The following CSMD1 variants were observed in gnomAD, a reference collection of about 807,000 sequenced individuals.
CSMD1 encodes CUB and Sushi multiple domains 1.
CSMD1 carries 213 observed loss-of-function variants against 417.5 expected under a neutral mutation model. The observed-to-expected ratio is 0.51, with a 90% CI of 0.46 to 0.57. The LOEUF (loss-of-function observed/expected upper bound fraction) is 0.57, where lower values mean the gene tolerates loss of function less well. Among genes scored for constraint, CSMD1 ranks in the 20% least tolerant of loss-of-function variants. The pLI is 0.00. For missense variants in CSMD1, 6,923 were observed against 4,529.7 expected (o/e 1.53, Z -15.17); for synonymous variants, 2,862 against 1,736.8 (o/e 1.65, Z -16.11).
At chr8:4,000,452 C>T (rs1815578549) in intron 4 of CSMD1, among the ~76,000 whole-genome samples, 1 of 152,202 alleles carries the variant, frequency 6.6e-6, no homozygotes, top group African/African-American at 2.4e-5. Flanking sequence ...ATATTCCAGC[C>T]ATGAGGAAAA....
At chr8:4,628,080 C>T (rs951013605) in intron 2 of CSMD1, among the ~76,000 whole-genome samples, 3 of 150,882 alleles carry the variant, frequency 2.0e-5, no homozygotes, top group Admixed American at 1.3e-4. Context: ...GAAGCATATA[C>T]ATACACATAT....
intron 12 of CSMD1, among the ~76,000 whole-genome samples, chr8:3,422,287 GATC>G (rs1202734761): frequency 1.3e-5 from 2 of 152,116 alleles, no homozygotes; most frequent in African/African-American, 2.4e-5. Flanking sequence ...CTGGGTACCT[GATC>G]AATGCTCAGC....
At chr8:3,265,356 C>T (rs1267221736) in intron 26 of CSMD1, among the ~76,000 whole-genome samples, 1 of 152,180 alleles carries the variant, frequency 6.6e-6, no homozygotes, top group African/African-American at 2.4e-5. Context: ...TATTCAGCAA[C>T]AGCCAAGCGT....
chr8:3,754,523 C>T (rs1026891706), intron 5 of CSMD1, among the ~76,000 whole-genome samples: 1 of 151,950 alleles, frequency 6.6e-6, no homozygotes, highest in Non-Finnish European at 1.5e-5. Flanking sequence ...GGTGCGATCT[C>T]GGCTCACTGC....
chr8:3,098,621 C>G (rs1191495800), intron 46 of CSMD1, among the ~76,000 whole-genome samples: 1 of 152,126 alleles, frequency 6.6e-6, no homozygotes, highest in East Asian at 1.9e-4. Flanking sequence ...AGTTAAAGGT[C>G]TAATTTTCTT....
intron 1 of CSMD1, among the ~76,000 whole-genome samples, chr8:4,637,828 G>A (rs1050615729): frequency 3.3e-5 from 5 of 150,814 alleles, no homozygotes; most frequent in Non-Finnish European, 3.0e-5. Flanking sequence ...CCGCCACCGC[G>A]CCCGGCTAAT....
At chr8:3,329,125 G>A (rs1806726094) in intron 23 of CSMD1, among the ~76,000 whole-genome samples, 1 of 152,122 alleles carries the variant, frequency 6.6e-6, no homozygotes, top group Admixed American at 6.5e-5. Flanking sequence ...TAGAATGGAG[G>A]TGGAAGATAT....
chr8:4,546,994 A>G lies in CSMD1; in HGVS notation c.302+90348T>C, dbSNP rs569315037. Among the ~76,000 whole-genome samples, 3 of 152,222 alleles carry G rather than the reference A, an allele frequency of 2.0e-5. No individual in the cohort carries two copies. In the East Asian group the frequency reaches 5.8e-4, roughly 29 times the overall value. ...AAGTAGGCATCACCCTGTGTGCCCTACATCCTTATCTATAATTCATACCCA... is the reference window on the plus strand; with the variant it reads ...AAGTAGGCATCACCCTGTGTGCCCTGCATCCTTATCTATAATTCATACCCA... On this transcript the variant is annotated intron_variant, in intron 2 of 69. Coordinates refer to ENST00000635120, the MANE Select transcript of CSMD1 (RefSeq NM_033225.6).
chr8:3,008,801 C>G (rs1808159502), intron 52 of CSMD1, among the ~76,000 whole-genome samples: 1 of 152,218 alleles, frequency 6.6e-6, no homozygotes, highest in Non-Finnish European at 1.5e-5. Context: ...AACCACCACA[C>G]TGATTGTCAG....
chr8:4,120,836 G>A (rs4875287), intron 3 of CSMD1, among the ~76,000 whole-genome samples: 150,701 of 152,340 alleles, frequency 0.99, 74,565 homozygotes, highest in East Asian at 1. Context: ...AACAAAGGAG[G>A]GAGAAGTCTT....
intron 1 of CSMD1, among the ~76,000 whole-genome samples, chr8:4,816,375 G>T (rs188964588): frequency 1.3e-5 from 2 of 152,044 alleles, no homozygotes; most frequent in South Asian, 2.1e-4. Flanking sequence ...AGTACAAAGC[G>T]GGAGATGGGG....
chr8:4,451,241 A>C (rs1288469958), intron 2 of CSMD1, among the ~76,000 whole-genome samples: 3 of 152,174 alleles, frequency 2.0e-5, no homozygotes, highest in Non-Finnish European at 2.9e-5. Context: ...TAAGGAGGGA[A>C]GATGGCTTGA....
At chr8:4,614,949 T>C (rs1259723753) in intron 2 of CSMD1, among the ~76,000 whole-genome samples, 2 of 152,208 alleles carry the variant, frequency 1.3e-5, no homozygotes, top group East Asian at 1.9e-4. Flanking sequence ...GAATTTTCTA[T>C]GATTTGTCTG....
chr8:3,740,198 C>T (rs1262381726), intron 6 of CSMD1, among the ~76,000 whole-genome samples: 2 of 152,130 alleles, frequency 1.3e-5, no homozygotes, highest in South Asian at 2.1e-4. Context: ...CCCCACCTCC[C>T]AGGTTCAAGT....
At chr8:4,141,839 G>C (rs1016965865) in intron 3 of CSMD1, among the ~76,000 whole-genome samples, 2 of 150,876 alleles carry the variant, frequency 1.3e-5, no homozygotes, top group Non-Finnish European at 2.9e-5. Context: ...ATCATTTATC[G>C]TGACTAACAG....
intron 12 of CSMD1, among the ~76,000 whole-genome samples, chr8:3,462,126 C>G (rs1022092502): frequency 1.4e-5 from 2 of 141,992 alleles, no homozygotes; most frequent in South Asian, 4.5e-4. Flanking sequence ...ATCCAGGCCC[C>G]CCCCCCCACC....
At chr8:3,129,517 G>A (rs577739559) in intron 41 of CSMD1, among the ~76,000 whole-genome samples, 1 of 152,304 alleles carries the variant, frequency 6.6e-6, no homozygotes, top group African/African-American at 2.4e-5. Flanking sequence ...GCTCATGCCT[G>A]TAATCCCAGC....
intron 5 of CSMD1, among the ~76,000 whole-genome samples, chr8:3,837,641 G>C (rs567767587): frequency 2.6e-5 from 4 of 152,146 alleles, no homozygotes; most frequent in Non-Finnish European, 4.4e-5. Context: ...TCTGCGGATT[G>C]TAAGAAAATC....
chr8:3,938,643 C>A (rs139303520), intron 5 of CSMD1, among the ~76,000 whole-genome samples: 1 of 152,150 alleles, frequency 6.6e-6, no homozygotes, highest in Non-Finnish European at 1.5e-5. Flanking sequence ...CAGGTCACTG[C>A]AAGTCTCTTT....
Sources: gnomAD v4.1 joint callset for allele counts (sites outside exome capture counted in the v4.1 genomes callset) on GRCh38, gnomAD v4.1.1 for gene constraint, MANE v1.5 for transcripts, NCBI Gene and HGNC (gene_info 2026-07-23, HGNC 2026-07-21) for gene names.